RAB2A: variants seen among roughly 807,000 people sequenced by gnomAD.
RAB2A encodes ras-related protein Rab-2A.
Under a neutral mutation model 32.5 loss-of-function variants are expected in RAB2A, and 7 were observed. The ratio of observed to expected loss-of-function variants is 0.22; its 90% CI spans 0.12 to 0.40. RAB2A has a LOEUF of 0.40. Ranked by LOEUF, RAB2A falls within the 10% of genes least tolerant of loss-of-function variation. The pLI is 1.00. For missense variants in RAB2A, 108 were observed against 260.7 expected, an observed-to-expected ratio of 0.41 and a Z score of 4.03; for synonymous variants, 79 against 85.2, an observed-to-expected ratio of 0.93 and a Z score of 0.40.
intron 6 of RAB2A, among the ~76,000 whole-genome samples, chr8:60,612,764 C>T (rs979409902): frequency 2.0e-5 from 3 of 152,080 alleles, no homozygotes; most frequent in African/African-American, 7.2e-5. Flanking sequence ...TCTAGTGAAA[C>T]ACAGAGAAAC....
At chr8:60,563,634 C>G (rs73259475) in intron 2 of RAB2A, among the ~76,000 whole-genome samples, 5,769 of 152,256 alleles carry the variant, frequency 0.038, 328 homozygotes, top group African/African-American at 0.13. Context: ...CATAGTTTCT[C>G]TCAGAACTCA....
intron 6 of RAB2A, among the ~76,000 whole-genome samples, chr8:60,613,653 G>A (rs909033655): frequency 2.4e-4 from 37 of 152,086 alleles, no homozygotes; most frequent in Admixed American, 2.1e-3. Flanking sequence ...CATTTTAAAG[G>A]TCTAACTTCA....
chr8:60,579,773 G>A (rs1226207644), intron 3 of RAB2A, among the ~76,000 whole-genome samples: 1 of 151,890 alleles, frequency 6.6e-6, no homozygotes, highest in Middle Eastern at 3.2e-3. Context: ...GACTACAGGT[G>A]CCCGCCACCA....
chr8:60,548,843 C>G (rs563145407), intron 1 of RAB2A, among the ~76,000 whole-genome samples: 1 of 150,566 alleles, frequency 6.6e-6, no homozygotes, highest in Non-Finnish European at 1.5e-5. Context: ...CCCTCCCGGA[C>G]GAGGTGGCTG....
intron 3 of RAB2A, among the ~76,000 whole-genome samples, chr8:60,581,119 G>T (rs1035105903): frequency 2.6e-5 from 4 of 152,118 alleles, no homozygotes; most frequent in Non-Finnish European, 4.4e-5. Flanking sequence ...CTAGTTTTTC[G>T]ATCCCATAAC....
chr8:60,611,469 T>A (rs533583523), intron 6 of RAB2A, among the ~76,000 whole-genome samples: 78 of 152,364 alleles, frequency 5.1e-4, no homozygotes, highest in African/African-American at 1.8e-3. Context: ...TCATGCTACC[T>A]TATTCATCTA....
chr8:60,610,309 G>A (rs1021905228), intron 6 of RAB2A, among the ~76,000 whole-genome samples: 1 of 152,148 alleles, frequency 6.6e-6, no homozygotes, highest in African/African-American at 2.4e-5. Flanking sequence ...TAAGACATTA[G>A]TAACTAGGAA....
At chr8:60,608,169 A>T (rs542576363) in intron 6 of RAB2A, among the ~76,000 whole-genome samples, 4 of 152,328 alleles carry the variant, frequency 2.6e-5, no homozygotes, top group Non-Finnish European at 5.9e-5. Flanking sequence ...AAGTAATTGC[A>T]TGAAAGAAAG....
At chr8:60,532,094 C>A (rs866680187) in intron 1 of RAB2A, among the ~76,000 whole-genome samples, 2 of 152,062 alleles carry the variant, frequency 1.3e-5, no homozygotes, top group Non-Finnish European at 2.9e-5. Context: ...CATGAGCCAC[C>A]GTGCCCAGCC....
At chr8:60,605,253 T>C (rs570565241) in intron 6 of RAB2A, among the ~76,000 whole-genome samples, 5 of 152,340 alleles carry the variant, frequency 3.3e-5, no homozygotes, top group East Asian at 1.9e-4. Flanking sequence ...GAGTTGAGGC[T>C]TGGAAACCTC....
intron 2 of RAB2A, among the ~76,000 whole-genome samples, chr8:60,568,107 T>TA (rs1224283119): frequency 1.3e-5 from 2 of 152,216 alleles, no homozygotes; most frequent in African/African-American, 4.8e-5. Context: ...CTGCAGTGTC[T>TA]AGGTTTCAGG....
intron 1 of RAB2A, among the ~76,000 whole-genome samples, chr8:60,528,609 C>T (rs117884917): frequency 0.013 from 2,008 of 152,158 alleles, 28 homozygotes; most frequent in Non-Finnish European, 0.021. Context: ...CCTGTGTTGG[C>T]GTTTTTATTT....
intron 6 of RAB2A, among the ~76,000 whole-genome samples, chr8:60,602,038 C>A (rs1168895735): frequency 6.6e-6 from 1 of 151,772 alleles, no homozygotes; most frequent in Non-Finnish European, 1.5e-5. Context: ...GCCACCATGC[C>A]CAGCTAATTT....
chr8:60,607,389 A>G (rs1274887523), intron 6 of RAB2A, among the ~76,000 whole-genome samples: 2 of 138,258 alleles, frequency 1.4e-5, no homozygotes, highest in African/African-American at 5.7e-5. Context: ...AGATCGCGCC[A>G]CTGCACTCCA....
intron 6 of RAB2A, among the ~76,000 whole-genome samples, chr8:60,607,386 G>A (rs1213269194): frequency 3.8e-5 from 5 of 131,334 alleles, no homozygotes; most frequent in Admixed American, 2.6e-4. Context: ...CCGAGATCGC[G>A]CCACTGCACT....
intron 3 of RAB2A, among the ~76,000 whole-genome samples, chr8:60,581,149 G>A (rs1347969533): frequency 6.6e-6 from 1 of 152,176 alleles, no homozygotes; most frequent in Non-Finnish European, 1.5e-5. Flanking sequence ...TGCAGTTTAA[G>A]CATCCCTAAT....
intron 6 of RAB2A, 143 bp from the exon 7 acceptor site, chr8:60,618,437 T>G: frequency 3.4e-6 from 1 of 293,864 alleles, no homozygotes; most frequent in East Asian, 8.6e-5. Context: ...ATTAATATGT[T>G]ATTAATATCT....
intron 6 of RAB2A, among the ~76,000 whole-genome samples, chr8:60,617,611 C>T (rs530664379): frequency 5.7e-4 from 87 of 152,168 alleles, no homozygotes; most frequent in African/African-American, 2.0e-3. Context: ...CTGGGTGTGG[C>T]AGCACACACC....
At chr8:60,520,158 G>A (rs1807279705) in intron 1 of RAB2A, among the ~76,000 whole-genome samples, 1 of 152,182 alleles carries the variant, frequency 6.6e-6, no homozygotes, top group African/African-American at 2.4e-5. Flanking sequence ...TTTCTCAAAG[G>A]AAAGGAACAA....
Sources: allele counts gnomAD v4.1 joint callset (sites outside exome capture counted in the v4.1 genomes callset), GRCh38; gene constraint gnomAD v4.1.1; transcripts MANE v1.5; gene names NCBI Gene and HGNC (gene_info 2026-07-23, HGNC 2026-07-21).